Variants in DMD observed in about 807,000 individuals in gnomAD.
DMD encodes dystrophin.
Under a neutral mutation model 330.1 loss-of-function variants are expected in DMD, and 63 were observed. The ratio of observed to expected loss-of-function variants is 0.19; its 90% CI spans 0.16 to 0.24. The LOEUF is 0.24. DMD is among the 10% of genes least tolerant of loss of function. The pLI is 1.00. For missense variants in DMD, 3,344 were observed against 2,684.1 expected, an observed-to-expected ratio of 1.25 and a Z score of -5.43; for synonymous variants, 1,223 against 959.8, an observed-to-expected ratio of 1.27 and a Z score of -5.07.
At chrX:31,252,012 T>C (rs2141756) in intron 63 of DMD, among the ~76,000 whole-genome samples, 20,089 of 111,313 alleles carry the variant, frequency 0.18, 1,420 homozygotes, top group East Asian at 0.39. Flanking sequence ...TTCAGAAATA[T>C]CTATTATGTT....
chrX:31,427,858 A>G (rs1292287232), intron 60 of DMD, among the ~76,000 whole-genome samples: 1 of 112,000 alleles, frequency 8.9e-6, no homozygotes, highest in African/African-American at 3.2e-5. Context: ...CATCCATTGC[A>G]GGGACACTAA....
chrX:32,286,829 T>A lies in DMD; in HGVS notation c.6290+700A>T, dbSNP rs1603629970. On this transcript the variant is annotated intron_variant, in intron 43 of 78. Coordinates refer to ENST00000357033, the MANE Select transcript of DMD (RefSeq NM_004006.3). ...TGATTTGATTTCCTCTGAGAATAAT[T>A]AAGAAGCCTACCTTGAGGATAAAGA... Among the ~76,000 whole-genome samples the A allele has an allele frequency of 7.2e-5, 8 of 111,768 alleles. No homozygotes were observed. In the South Asian group the frequency reaches 3.0e-3, roughly 42 times the overall value.
intron 9 of DMD, among the ~76,000 whole-genome samples, chrX:32,662,278 A>C (rs1411140952): frequency 8.9e-6 from 1 of 111,758 alleles, no homozygotes; most frequent in Non-Finnish European, 1.9e-5. Flanking sequence ...CCAAATATGA[A>C]AGTACGGCAG....
In DMD at chrX:32,326,659, C is replaced by G. The variant is rs370366567; in HGVS notation, c.5922+15441G>C. Among the ~76,000 whole-genome samples the G allele has an allele frequency of 5.4e-5, 6 of 111,839 alleles. 1 individual carries two copies. The highest frequency in any genetic ancestry group is 2.8e-4 in the East Asian group (1 of 3,519). ...ATGGCTCACACCAGTAATCCCAGCA[C>G]TTTGGGAGGCCGAGGCAGGCAGATC... is the stretch of plus-strand genomic sequence containing the variant. On this transcript the variant is annotated intron_variant, in intron 41 of 78. Transcript: ENST00000357033.
Position 32,206,612 on chromosome X carries a change from C to G in DMD, c.6438+10304G>C, listed in dbSNP as rs1003066891. 1.2e-5 allele frequency: 8 copies of G among 647,957 alleles called. No homozygotes were observed. In the African/African-American group the frequency reaches 1.5e-4, roughly 12 times the overall value. 53.4% of individuals were successfully genotyped at this position (647,957 alleles called of 1,213,427 possible). A position where few individuals can be genotyped will look rare whatever the true frequency, so the allele number is the denominator to read the frequency against. ...GAAGACATTAAAGCAAAAATGCAAGCAAGTATAGAAAAAGGTGGTTCTCTT... is the reference window on the plus strand; with the variant it reads ...GAAGACATTAAAGCAAAAATGCAAGGAAGTATAGAAAAAGGTGGTTCTCTT... On this transcript the variant is annotated intron_variant, in intron 44 of 78. Coordinates refer to ENST00000357033, the MANE Select transcript of DMD (RefSeq NM_004006.3).
chrX:33,213,239 G>A (rs768293594), upstream of DMD, among the ~76,000 whole-genome samples: 1 of 111,532 alleles, frequency 9.0e-6, no homozygotes, highest in Non-Finnish European at 1.9e-5. Flanking sequence ...GATGTGTCCT[G>A]GGTAATGTCT....
chrX:31,343,182 T>C (rs2057863091), intron 61 of DMD, among the ~76,000 whole-genome samples: 1 of 111,892 alleles, frequency 8.9e-6, no homozygotes, highest in Non-Finnish European at 1.9e-5. Context: ...AGACTGACAA[T>C]ATACCTACCA....
intron 7 of DMD, among the ~76,000 whole-genome samples, chrX:32,745,711 G>T (rs565407401): frequency 1.1e-3 from 123 of 112,081 alleles, no homozygotes; most frequent in South Asian, 6.2e-3. Context: ...CTTAATAAAA[G>T]TTTTCTCGAG....
At chrX:32,426,662 T>C (rs975676947) in intron 29 of DMD, among the ~76,000 whole-genome samples, 6 of 111,529 alleles carry the variant, frequency 5.4e-5, no homozygotes, top group Non-Finnish European at 1.9e-5. Flanking sequence ...TGCACACATA[T>C]GTTCATTGCA....
At chrX:31,687,833 T>C in intron 52 of DMD, among the ~76,000 whole-genome samples, 1 of 111,882 alleles carries the variant, frequency 8.9e-6, no homozygotes. Context: ...CCTTGACCTG[T>C]GGGAGTTTGA....
chrX:32,715,449 C>A (rs971489480), intron 7 of DMD, among the ~76,000 whole-genome samples: 2 of 85,847 alleles, frequency 2.3e-5, no homozygotes, highest in African/African-American at 9.8e-5. Context: ...TGCACATCAG[C>A]CTGGTGACAG....
chrX:31,546,474 C>T (rs1478297420), intron 55 of DMD, among the ~76,000 whole-genome samples: 1 of 112,206 alleles, frequency 8.9e-6, no homozygotes, highest in South Asian at 3.7e-4. Flanking sequence ...CTAAGAATTG[C>T]TTCTTTCTAA....
At chrX:33,217,790 TG>T (rs1272366721) in intron 1 of DMD, among the ~76,000 whole-genome samples, 2 of 111,640 alleles carry the variant, frequency 1.8e-5, no homozygotes, top group Non-Finnish European at 3.8e-5. Context: ...AAGTTGATCT[TG>T]TATCCTAAGA....
chrX:31,794,347 G>A (rs1484728081), intron 50 of DMD, among the ~76,000 whole-genome samples: 2 of 111,707 alleles, frequency 1.8e-5, no homozygotes, highest in African/African-American at 6.5e-5. Context: ...GCTAAATGCT[G>A]AAAAGTGGAT....
At chrX:32,309,671 TAAA>T (rs1218965721) in intron 42 of DMD, among the ~76,000 whole-genome samples, 6 of 111,082 alleles carry the variant, frequency 5.4e-5, no homozygotes, top group Non-Finnish European at 1.1e-4. Flanking sequence ...TATGTATACA[TAAA>T]AAATATAAAA....
intron 2 of DMD, among the ~76,000 whole-genome samples, chrX:32,955,410 T>A (rs1248943801): frequency 3.6e-5 from 4 of 111,388 alleles, no homozygotes; most frequent in African/African-American, 1.3e-4. Context: ...TAGATTTGTT[T>A]AAGTTCCTTA....
intron 62 of DMD, among the ~76,000 whole-genome samples, chrX:31,308,630 T>C (rs1205438954): frequency 9.0e-6 from 1 of 111,693 alleles, no homozygotes; most frequent in African/African-American, 3.3e-5. Flanking sequence ...CAGCCTGGTC[T>C]CAAACTCCTG....
At chrX:32,686,130 C>T (rs2062841748) in intron 9 of DMD, among the ~76,000 whole-genome samples, 1 of 111,457 alleles carries the variant, frequency 9.0e-6, no homozygotes, top group African/African-American at 3.3e-5. Flanking sequence ...TGTTGATTAA[C>T]CAAGCATTAT....
chrX:32,690,034 A>C (rs2063159360), intron 9 of DMD, among the ~76,000 whole-genome samples: 1 of 109,212 alleles, frequency 9.2e-6, no homozygotes, highest in Admixed American at 9.8e-5. Flanking sequence ...ACTTCTACCG[A>C]TGGCAATACT....
Sources: allele counts gnomAD v4.1 joint callset (sites outside exome capture counted in the v4.1 genomes callset), GRCh38; gene constraint gnomAD v4.1.1; transcripts MANE v1.5; gene names NCBI Gene and HGNC (gene_info 2026-07-23, HGNC 2026-07-21).